The following PKP2 variants were observed in gnomAD, a reference collection of about 807,000 sequenced individuals.
PKP2 encodes the protein plakophilin 2.
A neutral mutation model predicts 83.4 loss-of-function variants in PKP2; 73 were observed. The ratio of observed to expected loss-of-function variants is 0.88; its 90% confidence interval spans 0.72 to 1.06. The LOEUF is 1.06. Among genes scored for constraint, PKP2 ranks in the 50% least tolerant of loss-of-function variants. The pLI, the probability that PKP2 is intolerant of heterozygous loss-of-function variation, is 0.00. For synonymous variants in PKP2, 409 were observed against 430.4 expected, an observed-to-expected ratio of 0.95 and a Z score of 0.62; for missense variants, 966 against 1,065.4, an observed-to-expected ratio of 0.91 and a Z score of 1.30.
chr12:32,889,371 T>C (rs1338393474), intron 1 of PKP2, among the ~76,000 whole-genome samples: 1 of 152,212 alleles, frequency 6.6e-6, no homozygotes, highest in Admixed American at 6.5e-5. Context: ...AATGAGATTT[T>C]AGAAAGTTCA....
chr12:32,808,625 G>C (rs569535434), intron 9 of PKP2, among the ~76,000 whole-genome samples: 1 of 152,170 alleles, frequency 6.6e-6, no homozygotes, highest in Admixed American at 6.5e-5. Context: ...GAGTTTCAGC[G>C]TTTTTGCATT....
intron 5 of PKP2, among the ~76,000 whole-genome samples, chr12:32,843,692 G>A (rs907191951): frequency 2.0e-5 from 3 of 152,128 alleles, no homozygotes; most frequent in Admixed American, 2.0e-4. Context: ...CTAGCATTTG[G>A]GGTTAAGGAG....
chr12:32,826,148 CA>C (rs1300026025), intron 6 of PKP2, among the ~76,000 whole-genome samples: 1 of 150,850 alleles, frequency 6.6e-6, no homozygotes, highest in Non-Finnish European at 1.5e-5. Flanking sequence ...CTAAAAGTAC[CA>C]AACAAAATTA....
intron 6 of PKP2, among the ~76,000 whole-genome samples, chr12:32,833,631 T>G (rs1172184991): frequency 6.6e-6 from 1 of 152,130 alleles, no homozygotes; most frequent in Non-Finnish European, 1.5e-5. Flanking sequence ...TTTAAATAAT[T>G]TTAAGTAATA....
intron 9 of PKP2, among the ~76,000 whole-genome samples, chr12:32,807,420 T>A (rs1956236260): frequency 1.3e-5 from 2 of 152,222 alleles, no homozygotes; most frequent in Admixed American, 1.3e-4. Context: ...CCTAAGTGTG[T>A]CTTTGCATGT....
chr12:32,837,227 C>A (rs1267556138), intron 6 of PKP2, among the ~76,000 whole-genome samples: 1 of 152,142 alleles, frequency 6.6e-6, no homozygotes, highest in African/African-American at 2.4e-5. Flanking sequence ...AATCTGTGGA[C>A]ATGTGACAAA....
At chr12:32,833,991 G>A (rs539727569) in intron 6 of PKP2, among the ~76,000 whole-genome samples, 5 of 152,222 alleles carry the variant, frequency 3.3e-5, no homozygotes, top group Admixed American at 2.0e-4. Context: ...CAGTATTTAA[G>A]AACGTTGGTG....
Position 32,850,932 on chromosome 12 carries a change from T to TA in PKP2, c.1211dup (p.Val406SerfsTer4), listed in dbSNP as rs397516989. ...GCTGAACGTCTTCATTCTGAACTTT[T>TA]AGGAGCTGCAGAAGCTTGAGGATGC... On this transcript the variant is annotated frameshift_variant, in exon 5 of 13. Transcript: ENST00000340811. LOFTEE classifies it high-confidence loss of function. 2 of 1,614,154 alleles carry TA rather than the reference T, an allele frequency of 1.2e-6. No individual in the cohort carries two copies. Among genetic ancestry groups the TA allele is most frequent in the Non-Finnish European group, 1.7e-6 (2 of 1,180,024 alleles).
chr12:32,846,113 T>C (rs149248587), intron 5 of PKP2, among the ~76,000 whole-genome samples: 482 of 152,258 alleles, frequency 3.2e-3, no homozygotes, highest in African/African-American at 0.011. Context: ...ACAATTACCC[T>C]GACTCTTTCA....
rs145324631 is a variant in PKP2, at chr12:32,796,134, T to C, written c.2332A>G (p.Ile778Val). 4.0e-5 allele frequency: 64 copies of C among 1,613,980 alleles called. No homozygotes were observed. In the Middle Eastern group the frequency reaches 6.6e-4, roughly 17 times the overall value. The change falls in exon 11 of 13, where the codon ATT becomes GTT. Residue 778 changes from isoleucine to valine, a missense_variant. Transcript: ENST00000340811. Reference protein sequence around the residue: ...DLLNTGGIQKIMAISAGDAYA... With the variant: ...DLLNTGGIQKVMAISAGDAYA... ...GCATCGCCTGCACTAATGGCCATAA[T>C]TTTCTGGATGCCCCCGGTGTTTAGA...
chr12:32,808,034 G>C (rs907686417), intron 9 of PKP2, among the ~76,000 whole-genome samples: 1 of 151,968 alleles, frequency 6.6e-6, no homozygotes, highest in African/African-American at 2.4e-5. Context: ...TATCCTACTG[G>C]GGTTCTCTCC....
chr12:32,895,118 A>G (rs1957110534), intron 1 of PKP2, among the ~76,000 whole-genome samples: 1 of 152,204 alleles, frequency 6.6e-6, no homozygotes, highest in Non-Finnish European at 1.5e-5. Flanking sequence ...TTAGAGCTTC[A>G]GTGTTACTTA....
intron 4 of PKP2, among the ~76,000 whole-genome samples, chr12:32,858,843 C>G (rs1380441879): frequency 6.6e-6 from 1 of 152,080 alleles, no homozygotes; most frequent in Non-Finnish European, 1.5e-5. Flanking sequence ...AAAAACCACA[C>G]CAAAAGGTGC....
chr12:32,830,148 G>A (rs951459536), intron 6 of PKP2, among the ~76,000 whole-genome samples: 2 of 152,240 alleles, frequency 1.3e-5, no homozygotes, highest in Admixed American at 1.3e-4. Flanking sequence ...TCTATTCCAA[G>A]ACTAAGTAGG....
At chr12:32,869,171 T>A (rs1486046497) in intron 3 of PKP2, 109 bp from the exon 4 acceptor site, 1 of 1,297,994 alleles carries the variant, frequency 7.7e-7, no homozygotes, top group Admixed American at 1.7e-5. Flanking sequence ...CTAGAACATC[T>A]GAACCTTGGC....
At chr12:32,831,747 T>A (rs1956503209) in intron 6 of PKP2, among the ~76,000 whole-genome samples, 1 of 152,172 alleles carries the variant, frequency 6.6e-6, no homozygotes, top group African/African-American at 2.4e-5. Context: ...CAACTTTTAA[T>A]CTGGACCAAT....
intron 5 of PKP2, among the ~76,000 whole-genome samples, chr12:32,847,597 T>C (rs1442970055): frequency 6.6e-6 from 1 of 152,106 alleles, no homozygotes; most frequent in Non-Finnish European, 1.5e-5. Flanking sequence ...GCACCCTAAC[T>C]CCAAATCACG....
chr12:32,795,022 CT>C (rs1480660776), intron 11 of PKP2, among the ~76,000 whole-genome samples: 6 of 152,158 alleles, frequency 3.9e-5, no homozygotes, highest in Non-Finnish European at 7.4e-5. Context: ...ATAGCCATTT[CT>C]TTTCTTGTTT....
At position 32,841,067 on chromosome 12, in the gene PKP2, A is replaced by G; in HGVS notation, c.1517T>C (p.Leu506Pro). Residue 506 changes from leucine (L) to proline (P), a missense_variant, in exon 6 of 13, where the codon CTC (leucine) becomes CCC (proline). Physicochemically the swap from Leu to Pro is moderately conservative, Grantham distance 98 (BLOSUM62 -3). Transcript: ENST00000340811. Reference sequence around the variant, plus strand: ...GACGTTGTAGAATATGTCAAAATCGAGCAAACCATTTGCTTTTGGGTAGTC... The same window carrying G: ...GACGTTGTAGAATATGTCAAAATCGGGCAAACCATTTGCTTTTGGGTAGTC... ...EGDYPKANGL[L>P]DFDIFYNVTG... is the part of the protein sequence containing the mutation. The G allele has an allele frequency of 6.2e-7, 1 of 1,613,944 alleles. No homozygotes were observed. Among genetic ancestry groups the G allele is most frequent in the Non-Finnish European group, 8.5e-7 (1 of 1,179,938 alleles).
Sources: allele counts gnomAD v4.1 joint callset (sites outside exome capture counted in the v4.1 genomes callset), GRCh38; gene constraint gnomAD v4.1.1; transcripts MANE v1.5; gene names NCBI Gene and HGNC (gene_info 2026-07-23, HGNC 2026-07-21).